Variants in CDC37 observed in about 807,000 individuals in gnomAD.
The protein encoded by CDC37 is cell division cycle 37, HSP90 cochaperone, also known as hsp90 co-chaperone Cdc37.
Under a neutral mutation model 46.9 loss-of-function variants are expected in CDC37, and 9 were observed. The ratio of observed to expected loss-of-function variants is 0.19; its 90% CI spans 0.12 to 0.33. CDC37 has a LOEUF of 0.33. Among genes scored for constraint, CDC37 ranks in the 10% least tolerant of loss-of-function variants. The pLI is 1.00. For synonymous variants in CDC37, 193 were observed against 191.0 expected (o/e 1.01, Z -0.09); for missense variants, 388 against 514.6 (o/e 0.75, Z 2.38).
chr19:10,394,005 G>A (rs1246835707), intron 5 of CDC37, among the ~76,000 whole-genome samples: 2 of 152,122 alleles, frequency 1.3e-5, no homozygotes, highest in Non-Finnish European at 2.9e-5. Flanking sequence ...CTGGAGGATC[G>A]CTTGAACCCA....
chr19:10,400,962 T>C (rs1173719410), intron 1 of CDC37, among the ~76,000 whole-genome samples: 1 of 152,222 alleles, frequency 6.6e-6, no homozygotes, highest in African/African-American at 2.4e-5. Flanking sequence ...GTGGACATCA[T>C]TCAGATTCTC....
Position 10,393,089 on chromosome 19 carries a change from G to C in CDC37, c.978C>G (p.Pro326=). 1 of 1,613,884 alleles carries C rather than the reference G, an allele frequency of 6.2e-7. No homozygotes were observed. Among genetic ancestry groups the C allele is most frequent in the African/African-American group, 1.3e-5 (1 of 75,024 alleles). Residue 326 remains proline, a synonymous_variant, in exon 7 of 8, where the codon CCC becomes CCG. Transcript: ENST00000222005. The surrounding 1 kb of genome is among the most constrained non-coding windows in gnomAD (Gnocchi z 4.9). ...MLQDAISKMD[P]TDAKYHMQRC... is the part of the protein sequence containing the mutation. ...ATGGGGCGCGGGGGTTACTCACGGT[G>C]GGGTCCATCTTGCTGATGGCGTCCT...
At position 10,393,092 on chromosome 19, in the gene CDC37, G is replaced by A. The variant is rs1430227452; in HGVS notation, c.975C>T (p.Asp325=). 6.2e-7 allele frequency: 1 copy of A among 1,613,744 alleles called. No homozygotes were observed. Among genetic ancestry groups the A allele is most frequent in the Non-Finnish European group, 8.5e-7 (1 of 1,179,784 alleles). Residue 325 remains aspartate, a synonymous_variant, in exon 7 of 8, where the codon GAC becomes GAT. Transcript: ENST00000222005. This position sits in a 1 kb window ranked among gnomAD's most constrained non-coding sequence, Gnocchi z 4.9. ...QMLQDAISKM[D]PTDAKYHMQR... is the part of the protein sequence containing the mutation. ...GGGCGCGGGGGTTACTCACGGTGGGGTCCATCTTGCTGATGGCGTCCTGCA... is the reference window on the plus strand; with the variant it reads ...GGGCGCGGGGGTTACTCACGGTGGGATCCATCTTGCTGATGGCGTCCTGCA...
chr19:10,395,425 C>T lies in CDC37; in HGVS notation c.487+10G>A, dbSNP rs376326177. ...GACCTTGCCCCCCATAACCCACAAG[C>T]CCCACTCACCAAAGTGCTTGATCTG... On this transcript the variant is annotated intron_variant, in intron 3 of 7. Transcript: ENST00000222005. 1,462 of 1,611,212 alleles carry T rather than the reference C, an allele frequency of 9.1e-4. 23 individuals are homozygous for T. The South Asian group carries it at 0.015, about 17-fold the overall frequency.
At chr19:10,392,069 T>C (rs901763602) in intron 7 of CDC37, among the ~76,000 whole-genome samples, 2 of 152,232 alleles carry the variant, frequency 1.3e-5, no homozygotes, top group Non-Finnish European at 2.9e-5. Context: ...CCCAAAGCAC[T>C]GAGATTACAG....
chr19:10,401,443 AG>A (rs978295969), intron 1 of CDC37, among the ~76,000 whole-genome samples: 2 of 152,258 alleles, frequency 1.3e-5, no homozygotes, highest in Admixed American at 6.5e-5. Context: ...ACGCTGCAGG[AG>A]GGGGGCCCTC....
intron 4 of CDC37, 25 bp downstream of exon 4, chr19:10,395,203 C>G (rs1398620821): frequency 6.2e-7 from 1 of 1,613,694 alleles, no homozygotes; most frequent in Non-Finnish European, 8.5e-7. Flanking sequence ...CGCCTTTTCA[C>G]AGTCCCGGGG....
chr19:10,395,443 T>G lies in CDC37; in HGVS notation c.479A>C (p.Lys160Thr). 6.2e-7 allele frequency: 1 copy of G among 1,613,804 alleles called. No individual in the cohort carries two copies. The highest frequency in any genetic ancestry group is 8.5e-7 in the Non-Finnish European group (1 of 1,179,622). The stretch of plus-strand genomic sequence containing the variant: ...CCACAAGCCCCACTCACCAAAGTGC[T>G]TGATCTGTTTCTCGTATTTTTCCAC... ...TFVEKYEKQI[K>T]HFGMLRRWDD... The change falls in exon 3 of 8, where the codon AAG (lysine) becomes ACG (threonine). Residue 160 changes from lysine (K) to threonine (T), a missense_variant. Coordinates refer to ENST00000222005, the MANE Select transcript of CDC37 (RefSeq NM_007065.4).
Position 10,399,463 on chromosome 19 carries a change from G to GAAA in CDC37, c.103-3263_103-3261dup, listed in dbSNP as rs55717539. On this transcript the variant is annotated intron_variant, in intron 1 of 7. Transcript: ENST00000222005. ...TGGGCGACAGAGCATGACCCTGTCT[G>GAAA]AAAAAAAAAAAAAAAAAAAAAAAAA... Among the ~76,000 whole-genome samples, 172 of 38,160 alleles carry GAAA rather than the reference G, an allele frequency of 4.5e-3. 14 individuals carry two copies. The highest frequency in any genetic ancestry group is 0.019 in the African/African-American group (157 of 8,434). 25.0% of individuals were successfully genotyped at this position (38,160 alleles called of 152,430 possible).
At position 10,393,058 on chromosome 19, in the gene CDC37, G is replaced by C. The variant is rs2042466446; in HGVS notation, c.981+28C>G. ...CTGGGGGAGACACACGGCCCGCCGG[G>C]AAGGCATGGGGCGCGGGGGTTACTC... On this transcript the variant is annotated intron_variant, in intron 7 of 7. Transcript: ENST00000222005. This position sits in a 1 kb window ranked among gnomAD's most constrained non-coding sequence, Gnocchi z 4.9. 6.2e-7 allele frequency: 1 copy of C among 1,603,510 alleles called. No homozygotes were observed. The highest frequency in any genetic ancestry group is 2.2e-5 in the East Asian group (1 of 44,820).
intron 1 of CDC37, among the ~76,000 whole-genome samples, chr19:10,401,856 G>A (rs575222323): frequency 6.6e-6 from 1 of 152,202 alleles, no homozygotes; most frequent in East Asian, 1.9e-4. Flanking sequence ...TATGCCCTTC[G>A]TTTAAGAGCA....
At chr19:10,399,463 G>GACA (rs2042507302) in intron 1 of CDC37, among the ~76,000 whole-genome samples, 1 of 38,156 alleles carries the variant, frequency 2.6e-5, no homozygotes, top group Non-Finnish European at 4.6e-5. Flanking sequence ...GACCCTGTCT[G>GACA]AAAAAAAAAA....
intron 2 of CDC37, 24 bp downstream of exon 2, chr19:10,395,904 G>GCCCCCC: frequency 7.8e-6 from 12 of 1,541,890 alleles, no homozygotes; most frequent in African/African-American, 2.8e-5. Flanking sequence ...CATGCGCACT[G>GCCCCCC]CCCGCCCCGC....
intron 2 of CDC37, 141 bp from the exon 3 acceptor site, chr19:10,395,684 C>T (rs751026992): frequency 6.0e-6 from 5 of 829,904 alleles, no homozygotes; most frequent in African/African-American, 1.7e-5. Context: ...GTGGCGGGAG[C>T]GTGGGCATGG....
At chr19:10,399,822 C>T (rs1354215129) in intron 1 of CDC37, among the ~76,000 whole-genome samples, 1 of 150,884 alleles carries the variant, frequency 6.6e-6, no homozygotes, top group Non-Finnish European at 1.5e-5. Context: ...GTCCCAGCTA[C>T]TCGGGAGGCT....
rs965254505 is a variant in CDC37 at position 10,395,104 on chromosome 19, C to T, written c.643G>A (p.Val215Ile). ...GCCAGCTCCAGGATAAATTGCATGA[C>T]GATTGTCTGGTGGGCCACCTGCTCC... ...LMEQVAHQTI[V>I]MQFILELAKS... Residue 215 changes from valine to isoleucine, a missense_variant, in exon 5 of 8, where the codon GTC (valine) becomes ATC (isoleucine). Transcript: ENST00000222005. 3.8e-6 allele frequency: 6 copies of T among 1,576,428 alleles called. No individual in the cohort carries two copies. The highest frequency in any genetic ancestry group is 1.3e-5 in the African/African-American group (1 of 74,164).
rs2042491897 is a variant in CDC37, at chr19:10,396,257, G to A, written c.103-54C>T. ...GGGGAGTCGTCTGTCCCTTACCCCC[G>A]CCCCATACCCAATCCCTGCACCGGA... is the stretch of plus-strand genomic sequence containing the variant. On this transcript the variant is annotated intron_variant, in intron 1 of 7. Transcript: ENST00000222005. The surrounding 1 kb of genome is among the most constrained non-coding windows in gnomAD (Gnocchi z 5.9). The A allele has an allele frequency of 3.9e-6, 6 of 1,557,356 alleles. No homozygotes were observed. Among genetic ancestry groups the A allele is most frequent in the Non-Finnish European group, 5.2e-6 (6 of 1,146,818 alleles).
In CDC37 at chr19:10,393,482, C is replaced by G; in HGVS notation, c.727-41G>C. On this transcript the variant is annotated intron_variant, in intron 5 of 7. Coordinates refer to ENST00000222005, the MANE Select transcript of CDC37 (RefSeq NM_007065.4). The surrounding 1 kb of genome is among the most constrained non-coding windows in gnomAD (Gnocchi z 4.9). The stretch of plus-strand genomic sequence containing the variant: ...AGTGCTCACTGGACCTGGCCCAACG[C>G]TCAGGAGGGACTGGGGGGCCCAGGA... 1 of 1,573,324 alleles carries G rather than the reference C, an allele frequency of 6.4e-7. No homozygotes were observed. Among genetic ancestry groups the G allele is most frequent in the South Asian group, 1.2e-5 (1 of 85,758 alleles).
Position 10,393,478 on chromosome 19 carries a change from A to T in CDC37, c.727-37T>A, listed in dbSNP as rs1568354018. 3 of 1,583,886 alleles carry T rather than the reference A, an allele frequency of 1.9e-6. No individual in the cohort carries two copies. In the South Asian group the frequency reaches 3.4e-5, roughly 18 times the overall value. ...GGGCAGTGCTCACTGGACCTGGCCCAACGCTCAGGAGGGACTGGGGGGCCC... is the reference window on the plus strand; with the variant it reads ...GGGCAGTGCTCACTGGACCTGGCCCTACGCTCAGGAGGGACTGGGGGGCCC... On this transcript the variant is annotated intron_variant, in intron 5 of 7. Transcript: ENST00000222005. The surrounding 1 kb of genome is among the most constrained non-coding windows in gnomAD (Gnocchi z 4.9).
Sources: gnomAD v4.1 joint callset for allele counts (sites outside exome capture counted in the v4.1 genomes callset) on GRCh38, gnomAD v4.1.1 for gene constraint, Gnocchi (gnomAD v3.1) non-coding constraint, MANE v1.5 for transcripts, NCBI Gene and HGNC (gene_info 2026-07-23, HGNC 2026-07-21) for gene names.